Variants in ITGA9 observed in about 807,000 individuals in gnomAD.
ITGA9 encodes the protein integrin alpha-9.
Under a neutral mutation model 127.8 loss-of-function variants are expected in ITGA9, and 56 were observed. The ratio of observed to expected loss-of-function variants is 0.44; its 90% CI spans 0.35 to 0.55. The LOEUF is 0.55. Ranked by LOEUF, ITGA9 falls within the 20% of genes least tolerant of loss-of-function variation. The pLI, the probability that ITGA9 is intolerant of heterozygous loss-of-function variation, is 0.00. For synonymous variants in ITGA9, 508 were observed against 514.5 expected, an observed-to-expected ratio of 0.99 and a Z score of 0.17; for missense variants, 1,196 against 1,347.1, an observed-to-expected ratio of 0.89 and a Z score of 1.76.
At chr3:37,558,546 T>C (rs1699453402) in intron 15 of ITGA9, among the ~76,000 whole-genome samples, 1 of 152,226 alleles carries the variant, frequency 6.6e-6, no homozygotes, top group Non-Finnish European at 1.5e-5. Context: ...GGGACAGTCC[T>C]GGTTTATGCC....
chr3:37,585,472 G>C (rs1012223674), intron 15 of ITGA9: 2 of 425,856 alleles, frequency 4.7e-6, no homozygotes, highest in Non-Finnish European at 9.4e-6. Flanking sequence ...TCATTAGAGC[G>C]AATTCAAATA....
intron 25 of ITGA9, 31 bp from the exon 26 acceptor site, chr3:37,784,946 C>T: frequency 6.4e-7 from 1 of 1,562,892 alleles, no homozygotes; most frequent in Non-Finnish European, 8.8e-7. Flanking sequence ...ATAGAAAAAT[C>T]TTCAAGTAAG....
intron 15 of ITGA9, among the ~76,000 whole-genome samples, chr3:37,583,928 T>C (rs1699732400): frequency 6.6e-6 from 1 of 152,232 alleles, no homozygotes. Context: ...TGGACACTAC[T>C]GACCTCTCAT....
intron 26 of ITGA9, among the ~76,000 whole-genome samples, chr3:37,787,953 TC>T (rs1697061847): frequency 6.6e-6 from 1 of 152,248 alleles, no homozygotes; most frequent in African/African-American, 2.4e-5. Flanking sequence ...TTTCCTGTGA[TC>T]TTTTTTAATA....
chr3:37,725,098 A>C (rs759105871), intron 18 of ITGA9, among the ~76,000 whole-genome samples: 9 of 152,334 alleles, frequency 5.9e-5, no homozygotes, highest in Admixed American at 1.3e-4. Context: ...CTCTTTCAGA[A>C]GTTTGACTAG....
intron 18 of ITGA9, among the ~76,000 whole-genome samples, chr3:37,695,848 T>C (rs1700879319): frequency 6.6e-6 from 1 of 152,216 alleles, no homozygotes; most frequent in Admixed American, 6.5e-5. Flanking sequence ...AATAATAAAA[T>C]AAGAAATGGG....
At chr3:37,794,049 G>A (rs1697144148) in intron 26 of ITGA9, among the ~76,000 whole-genome samples, 2 of 152,226 alleles carry the variant, frequency 1.3e-5, no homozygotes, top group South Asian at 4.1e-4. Context: ...TGCTCAGTGT[G>A]CGTGTCCATG....
intron 23 of ITGA9, among the ~76,000 whole-genome samples, chr3:37,759,100 C>T (rs1257681593): frequency 1.3e-5 from 2 of 150,102 alleles, no homozygotes; most frequent in Non-Finnish European, 3.0e-5. Flanking sequence ...CACACACACA[C>T]ATATACCCAC....
intron 18 of ITGA9, among the ~76,000 whole-genome samples, chr3:37,703,519 C>G (rs1021430345): frequency 6.6e-6 from 1 of 152,148 alleles, no homozygotes; most frequent in Non-Finnish European, 1.5e-5. Context: ...TATTGTGTAT[C>G]ATTCTTTAAA....
chr3:37,512,828 T>C (rs1360608252), intron 8 of ITGA9, among the ~76,000 whole-genome samples: 1 of 152,180 alleles, frequency 6.6e-6, no homozygotes, highest in African/African-American at 2.4e-5. Context: ...CCTATTGTTA[T>C]GTAGACAAGG....
In ITGA9 at chr3:37,513,733, A is replaced by G. The variant is rs1276392290; in HGVS notation, c.898-30A>G. On this transcript the variant is annotated intron_variant, in intron 8 of 27. Transcript: ENST00000264741. ...ATCCTTGTGTGAGAGCAGACACTGA[A>G]TGCTTTGTTGCAACTCAACTTGGTT... is the stretch of plus-strand genomic sequence containing the variant. 3.1e-6 allele frequency: 5 copies of G among 1,613,636 alleles called. No homozygotes were observed. The African/African-American group carries it at 4.0e-5, about 13-fold the overall frequency.
At chr3:37,691,494 G>A (rs1199972945) in intron 18 of ITGA9, among the ~76,000 whole-genome samples, 1 of 152,126 alleles carries the variant, frequency 6.6e-6, no homozygotes, top group Non-Finnish European at 1.5e-5. Context: ...TTGCCAGGTG[G>A]GAGTGAGGCC....
chr3:37,791,247 G>A (rs1037837533), intron 26 of ITGA9, among the ~76,000 whole-genome samples: 91 of 152,174 alleles, frequency 6.0e-4, no homozygotes, highest in African/African-American at 2.1e-3. Flanking sequence ...TGTGAGAAGC[G>A]TGCATGAATT....
In ITGA9 at chr3:37,473,490, G is replaced by A. The variant is rs1401153837; in HGVS notation, c.420+30G>A. ...GTCCCTCCTGGGGGTGCTGTGGGAA[G>A]GGGGTGGCACTCTGAGAATGAATGA... On this transcript the variant is annotated intron_variant, in intron 3 of 27. Coordinates refer to ENST00000264741, the MANE Select transcript of ITGA9 (RefSeq NM_002207.3). 3 of 1,519,988 alleles carry A rather than the reference G, an allele frequency of 2.0e-6. No homozygotes were observed. The African/African-American group carries it at 4.1e-5, about 21-fold the overall frequency. The allele number at this position is 1,519,988 out of a possible 1,614,324, so 94.2% of individuals were successfully genotyped here.
At chr3:37,554,744 T>C (rs939152000) in intron 15 of ITGA9, among the ~76,000 whole-genome samples, 4 of 152,078 alleles carry the variant, frequency 2.6e-5, no homozygotes, top group Middle Eastern at 3.2e-3. Context: ...GAATAAGATA[T>C]CAAGGGTCAC....
Position 37,517,609 on chromosome 3 carries a change from GGTGA to G in ITGA9, c.1141+8_1141+11del. The G allele has an allele frequency of 6.4e-7, 1 of 1,572,144 alleles. No individual in the cohort carries two copies. Among genetic ancestry groups the G allele is most frequent in the Non-Finnish European group, 8.6e-7 (1 of 1,157,176 alleles). ...CGATCTGGACAATGATGGGTTCCCA[GGTGA>G]GTGAGTGCTCCTGGTGCACGGAGCC... On this transcript the variant is annotated splice_donor_variant and splice_donor_region_variant and intron_variant, in intron 10 of 27. Transcript: ENST00000264741. LOFTEE classifies it high-confidence loss of function.
chr3:37,766,094 C>T lies in ITGA9; in HGVS notation c.2542-11298C>T, dbSNP rs192736085. ...GATGGGTTGTTACCAAAGTCGATAA[C>T]AGGAAATCTCACTGAGGATAAACAG... is the stretch of plus-strand genomic sequence containing the variant. On this transcript the variant is annotated intron_variant, in intron 23 of 27. Coordinates refer to ENST00000264741, the MANE Select transcript of ITGA9 (RefSeq NM_002207.3). 1.7e-4 allele frequency among the ~76,000 whole-genome samples: 26 copies of T among 152,250 alleles called. 1 individual carries two copies. The highest frequency in any genetic ancestry group is 1.7e-3 in the Admixed American group (26 of 15,284).
intron 15 of ITGA9, among the ~76,000 whole-genome samples, chr3:37,544,917 A>G (rs1374184493): frequency 1.3e-5 from 2 of 152,236 alleles, no homozygotes; most frequent in Non-Finnish European, 2.9e-5. Flanking sequence ...TATTTCTGGC[A>G]GTTACTGTCT....
chr3:37,782,986 A>T (rs140354045), intron 25 of ITGA9, among the ~76,000 whole-genome samples: 2,581 of 152,214 alleles, frequency 0.017, 76 homozygotes, highest in African/African-American at 0.059. Context: ...AAAAAATACA[A>T]AAATTAGCCT....
Sources: allele counts gnomAD v4.1 joint callset (sites outside exome capture counted in the v4.1 genomes callset), GRCh38; gene constraint gnomAD v4.1.1; transcripts MANE v1.5; gene names NCBI Gene and HGNC (gene_info 2026-07-23, HGNC 2026-07-21).